SYT1: variants seen among roughly 807,000 people sequenced by gnomAD.
SYT1 encodes the protein synaptotagmin-1.
SYT1 carries 8 observed loss-of-function variants against 44.8 expected under a neutral mutation model. That is an observed-to-expected ratio of 0.18 (90% confidence interval 0.10 to 0.32). SYT1 has a LOEUF of 0.32. Among genes scored for constraint, SYT1 ranks in the 10% least tolerant of loss-of-function variants. SYT1 has a pLI of 1.00. For synonymous variants in SYT1, 154 were observed against 188.8 expected, an observed-to-expected ratio of 0.82 and a Z score of 1.51; for missense variants, 286 against 509.3, an observed-to-expected ratio of 0.56 and a Z score of 4.22.
At chr12:79,236,284 G>C (rs984602330) in intron 4 of SYT1, among the ~76,000 whole-genome samples, 1 of 152,002 alleles carries the variant, frequency 6.6e-6, no homozygotes, top group African/African-American at 2.4e-5. Flanking sequence ...TCTTTATTTG[G>C]CATTCAAACC....
intron 8 of SYT1, among the ~76,000 whole-genome samples, chr12:79,334,607 T>G (rs566362383): frequency 6.6e-6 from 1 of 152,308 alleles, no homozygotes; most frequent in South Asian, 2.1e-4. Flanking sequence ...ATCGAGAACA[T>G]GCACGCATCC....
chr12:78,883,225 CCT>C (rs1874553973), intron 1 of SYT1, among the ~76,000 whole-genome samples: 1 of 151,558 alleles, frequency 6.6e-6, no homozygotes, highest in Non-Finnish European at 1.5e-5. Flanking sequence ...TGAGTTAAGT[CCT>C]CTATGATTGC....
intron 1 of SYT1, among the ~76,000 whole-genome samples, chr12:78,971,224 C>T (rs1436959624): frequency 1.3e-5 from 2 of 152,126 alleles, no homozygotes; most frequent in Non-Finnish European, 2.9e-5. Context: ...CAGCAAATCT[C>T]TAGACTAGAT....
intron 3 of SYT1, 84 bp downstream of exon 3, chr12:79,047,446 A>G (rs924041126): frequency 2.6e-5 from 4 of 151,894 alleles, no homozygotes; most frequent in East Asian, 1.9e-4. Context: ...ACTAACTTCT[A>G]TTTTCTAAGA....
Position 79,348,998 on chromosome 12 carries a change from G to A in SYT1, c.811-4504G>A, listed in dbSNP as rs12304399. Among the ~76,000 whole-genome samples the A allele has an allele frequency of 7.1e-3, 884 of 125,386 alleles. 11 individuals are homozygous for A. Among genetic ancestry groups the A allele is most frequent in the African/African-American group, 0.025 (791 of 31,048 alleles). The allele number at this position is 125,386 out of a possible 152,430, so 82.3% of individuals were successfully genotyped here. On this transcript the variant is annotated intron_variant, in intron 8 of 10. Transcript: ENST00000261205. ...GAAAGAGGAAGAAAGAAAGAGAGAAGGAAAGAAAGAAAGAAAGAAAGAAAG... is the reference window on the plus strand; with the variant it reads ...GAAAGAGGAAGAAAGAAAGAGAGAAAGAAAGAAAGAAAGAAAGAAAGAAAG...
At chr12:79,036,012 C>G (rs1395513883) in intron 2 of SYT1, among the ~76,000 whole-genome samples, 1 of 151,466 alleles carries the variant, frequency 6.6e-6, no homozygotes, top group African/African-American at 2.4e-5. Flanking sequence ...GCCTTCATGG[C>G]TGAGAAGTCA....
At chr12:79,232,326 T>C (rs1244621346) in intron 4 of SYT1, among the ~76,000 whole-genome samples, 1 of 152,260 alleles carries the variant, frequency 6.6e-6, no homozygotes, top group Non-Finnish European at 1.5e-5. Context: ...GAAGGACTTC[T>C]AAATTAAAAT....
chr12:79,367,591 A>G (rs1358257462), intron 9 of SYT1, among the ~76,000 whole-genome samples: 1 of 151,064 alleles, frequency 6.6e-6, no homozygotes, highest in African/African-American at 2.4e-5. Flanking sequence ...GCATCCAAAC[A>G]CCCTTTGACT....
chr12:79,276,467 A>T (rs1041772051), intron 4 of SYT1, among the ~76,000 whole-genome samples: 8 of 151,902 alleles, frequency 5.3e-5, no homozygotes, highest in African/African-American at 1.9e-4. Context: ...CATGAGGTCA[A>T]GAGATCGAGA....
intron 4 of SYT1, among the ~76,000 whole-genome samples, chr12:79,225,787 C>T (rs1299300851): frequency 2.6e-5 from 4 of 152,096 alleles, no homozygotes; most frequent in Non-Finnish European, 4.4e-5. Context: ...ACTCATTTAC[C>T]CATTTCCTTT....
intron 9 of SYT1, among the ~76,000 whole-genome samples, chr12:79,399,161 A>G (rs969319711): frequency 3.9e-5 from 6 of 152,318 alleles, no homozygotes; most frequent in African/African-American, 1.4e-4. Context: ...GGATTGGATT[A>G]GGGCATGAAT....
At chr12:78,931,230 A>AGGAAGGAAGGAAG (rs1221149198) in intron 1 of SYT1, among the ~76,000 whole-genome samples, 1 of 58,370 alleles carries the variant, frequency 1.7e-5, no homozygotes, top group African/African-American at 1.0e-4. Flanking sequence ...AAAGAAAGAA[A>AGGAAGGAAGGAAG]GAAAGAAAGA....
chr12:78,960,892 C>G (rs1161487537), intron 1 of SYT1, among the ~76,000 whole-genome samples: 1 of 152,056 alleles, frequency 6.6e-6, no homozygotes, highest in Non-Finnish European at 1.5e-5. Flanking sequence ...CACTTTGGAG[C>G]ATACGGTAGA....
In SYT1 at chr12:79,220,965, G is replaced by C. The variant is rs572107545; in HGVS notation, c.166+3280G>C. Reference sequence around the variant, plus strand: ...CTGATTAGATGCAGATTGTAGTTTAGGTGATGTTTCCCTACTGATTTCCTG... The same window carrying C: ...CTGATTAGATGCAGATTGTAGTTTACGTGATGTTTCCCTACTGATTTCCTG... On this transcript the variant is annotated intron_variant, in intron 4 of 10. Coordinates refer to ENST00000261205, the MANE Select transcript of SYT1 (RefSeq NM_005639.3). 5.3e-5 allele frequency among the ~76,000 whole-genome samples: 8 copies of C among 152,164 alleles called. No individual in the cohort carries two copies. The South Asian group carries it at 1.7e-3, about 32-fold the overall frequency.
intron 3 of SYT1, among the ~76,000 whole-genome samples, chr12:79,078,631 C>A (rs1876821066): frequency 6.6e-6 from 1 of 151,850 alleles, no homozygotes; most frequent in South Asian, 2.1e-4. Flanking sequence ...ACAGACCAAC[C>A]CATCACCTAG....
intron 2 of SYT1, among the ~76,000 whole-genome samples, chr12:78,978,636 C>G (rs866005823): frequency 6.6e-6 from 1 of 152,308 alleles, no homozygotes; most frequent in Middle Eastern, 3.4e-3. Flanking sequence ...GGCATACACA[C>G]AATTCTATGA....
rs539035157 is a variant in SYT1, at chr12:79,415,490, C to T, written c.929-28583C>T. Among the ~76,000 whole-genome samples, 3 of 152,224 alleles carry T rather than the reference C, an allele frequency of 2.0e-5. No individual in the cohort carries two copies. The East Asian group carries it at 5.8e-4, about 29-fold the overall frequency. On this transcript the variant is annotated intron_variant, in intron 9 of 10. Coordinates refer to ENST00000261205, the MANE Select transcript of SYT1 (RefSeq NM_005639.3). Reference sequence around the variant, plus strand: ...AAAGGAATGTGCTGGAAAGTGGAGACAGTAAAGCCCCAGCAAGTAATTCCT... The same window carrying T: ...AAAGGAATGTGCTGGAAAGTGGAGATAGTAAAGCCCCAGCAAGTAATTCCT...
intron 1 of SYT1, among the ~76,000 whole-genome samples, chr12:78,877,008 C>A (rs117872877): frequency 9.5e-5 from 10 of 105,308 alleles, no homozygotes; most frequent in Non-Finnish European, 1.9e-4. Context: ...CAGAATTTTG[C>A]GATGACATTT....
intron 8 of SYT1, among the ~76,000 whole-genome samples, chr12:79,352,186 ACC>A (rs34574402): frequency 3.2e-5 from 4 of 123,760 alleles, no homozygotes; most frequent in East Asian, 2.6e-4. Flanking sequence ...TAATGAATAC[ACC>A]CCCCCCCCAA....
Sources: allele counts gnomAD v4.1 joint callset (sites outside exome capture counted in the v4.1 genomes callset), GRCh38; gene constraint gnomAD v4.1.1; transcripts MANE v1.5; gene names NCBI Gene and HGNC (gene_info 2026-07-23, HGNC 2026-07-21).